Variants in PLEKHA7 observed in about 807,000 individuals in gnomAD.
PLEKHA7 encodes the protein pleckstrin homology domain-containing family A member 7.
A neutral mutation model predicts 170.0 loss-of-function variants in PLEKHA7; 104 were observed. The ratio of observed to expected loss-of-function variants is 0.61; its 90% CI spans 0.52 to 0.72. The LOEUF (loss-of-function observed/expected upper bound fraction) is 0.72, where lower values mean the gene tolerates loss of function less well. PLEKHA7 is among the 30% of genes least tolerant of loss of function. PLEKHA7 has a pLI of 0.00. For missense variants in PLEKHA7, 1,615 were observed against 1,671.7 expected (o/e 0.97, Z 0.59); for synonymous variants, 648 against 660.8 (o/e 0.98, Z 0.30).
chr11:17,008,226 G>A lies in PLEKHA7; in HGVS notation c.221+5763C>T, dbSNP rs994455109. Among the ~76,000 whole-genome samples, 5 of 152,300 alleles carry A rather than the reference G, an allele frequency of 3.3e-5. No individual in the cohort carries two copies. The South Asian group carries it at 1.0e-3, about 32-fold the overall frequency. ...AACTGAGAAACCTGAAGCTAGAAAG[G>A]GTCTTGTGCAATCAGCTGGTTCCTG... On this transcript the variant is annotated intron_variant, in intron 3 of 26. Coordinates refer to ENST00000531066, the MANE Select transcript of PLEKHA7 (RefSeq NM_001329630.2).
chr11:16,913,384 A>C (rs949175515), intron 3 of PLEKHA7, among the ~76,000 whole-genome samples: 12 of 152,172 alleles, frequency 7.9e-5, no homozygotes, highest in African/African-American at 1.7e-4. Context: ...TAGGATTCAG[A>C]AACCCTACCT....
rs549551969 is a variant in PLEKHA7, at chr11:16,939,226, G to A, written c.222-68044C>T. Among the ~76,000 whole-genome samples, 6 of 152,136 alleles carry A rather than the reference G, an allele frequency of 3.9e-5. No individual in the cohort carries two copies. In the East Asian group the frequency reaches 7.8e-4, roughly 20 times the overall value. Reference sequence around the variant, plus strand: ...CCAAGAGTTCAGGACTAGGCTGGCCGACATGGTGAAACCCTGTCTCCACTA... The same window carrying A: ...CCAAGAGTTCAGGACTAGGCTGGCCAACATGGTGAAACCCTGTCTCCACTA... On this transcript the variant is annotated intron_variant, in intron 3 of 26. Coordinates refer to ENST00000531066, the MANE Select transcript of PLEKHA7 (RefSeq NM_001329630.2).
At chr11:16,905,735 C>G (rs1397488415) in intron 3 of PLEKHA7, among the ~76,000 whole-genome samples, 1 of 152,210 alleles carries the variant, frequency 6.6e-6, no homozygotes, top group Non-Finnish European at 1.5e-5. Flanking sequence ...AGCTCCCACT[C>G]CACCATCCCC....
At chr11:16,999,867 T>C (rs981231618) in intron 3 of PLEKHA7, among the ~76,000 whole-genome samples, 15 of 152,172 alleles carry the variant, frequency 9.9e-5, no homozygotes, top group Non-Finnish European at 1.0e-4. Context: ...TGATAAATGC[T>C]GACTCCCAGC....
intron 13 of PLEKHA7, among the ~76,000 whole-genome samples, chr11:16,810,630 G>C (rs886506838): frequency 6.6e-6 from 1 of 152,220 alleles, no homozygotes; most frequent in Non-Finnish European, 1.5e-5. Flanking sequence ...CTTCCAGAAA[G>C]TCCAATAACT....
chr11:16,851,471 C>A (rs986651151), intron 7 of PLEKHA7, among the ~76,000 whole-genome samples, 180 bp from the exon 8 acceptor site: 1 of 151,884 alleles, frequency 6.6e-6, no homozygotes, highest in South Asian at 2.1e-4. Flanking sequence ...TTTTTTGAGA[C>A]GGAGTTTCGC....
intron 3 of PLEKHA7, among the ~76,000 whole-genome samples, chr11:16,982,722 T>C (rs554545727): frequency 6.6e-6 from 1 of 151,722 alleles, no homozygotes; most frequent in Admixed American, 6.6e-5. Flanking sequence ...TGGCCCTCCA[T>C]GCTTTAGCTT....
At chr11:16,959,887 G>A (rs2136596931) in intron 3 of PLEKHA7, among the ~76,000 whole-genome samples, 1 of 152,216 alleles carries the variant, frequency 6.6e-6, no homozygotes, top group African/African-American at 2.4e-5. Flanking sequence ...CAGGTACCAG[G>A]AGGCAGGGCC....
chr11:16,819,061 C>T (rs1488732545), intron 10 of PLEKHA7, among the ~76,000 whole-genome samples: 1 of 151,698 alleles, frequency 6.6e-6, no homozygotes, highest in African/African-American at 2.4e-5. Flanking sequence ...CCTCGGCCTC[C>T]CAAAGTGTTG....
chr11:16,925,518 A>G (rs919028728), intron 3 of PLEKHA7, among the ~76,000 whole-genome samples: 7 of 152,072 alleles, frequency 4.6e-5, no homozygotes, highest in Non-Finnish European at 8.8e-5. Flanking sequence ...TACAGCGCGC[A>G]CACACACCTG....
chr11:16,854,312 G>A (rs1207507828), intron 6 of PLEKHA7, among the ~76,000 whole-genome samples: 1 of 152,218 alleles, frequency 6.6e-6, no homozygotes, highest in Admixed American at 6.5e-5. Context: ...CTGAATGCAT[G>A]TCGGGGAAGG....
chr11:17,006,626 CA>C (rs59063580), intron 3 of PLEKHA7, among the ~76,000 whole-genome samples: 85 of 122,182 alleles, frequency 7.0e-4, no homozygotes, highest in Middle Eastern at 4.5e-3. Flanking sequence ...GACTCAGTCT[CA>C]AAAAAAAAAA....
At chr11:16,845,295 T>C (rs532860548) in intron 8 of PLEKHA7, among the ~76,000 whole-genome samples, 14 of 152,324 alleles carry the variant, frequency 9.2e-5, no homozygotes, top group African/African-American at 3.1e-4. Flanking sequence ...TTGCAGATCA[T>C]ATAGGGTTTT....
intron 3 of PLEKHA7, among the ~76,000 whole-genome samples, chr11:16,871,798 C>T (rs41515852): frequency 0.073 from 11,124 of 152,142 alleles, 602 homozygotes; most frequent in Middle Eastern, 0.16. Context: ...CTGACAGACA[C>T]AAAGTGTGTA....
intron 9 of PLEKHA7, among the ~76,000 whole-genome samples, chr11:16,834,443 G>A (rs1424652674): frequency 1.3e-5 from 2 of 152,304 alleles, no homozygotes; most frequent in East Asian, 1.9e-4. Context: ...GGTGTTTGTA[G>A]GGACCAGGCC....
In PLEKHA7 at chr11:16,958,997, C is replaced by T. The variant is rs74676769; in HGVS notation, c.221+54992G>A. On this transcript the variant is annotated intron_variant, in intron 3 of 26. Transcript: ENST00000531066. ...TAAGCCAGGAAGCTCCTTTTGTTTA[C>T]ACTTGCTGGCTGGCCACCTGCCATT... 4.4e-4 allele frequency among the ~76,000 whole-genome samples: 67 copies of T among 152,282 alleles called. No homozygotes were observed. In the East Asian group the frequency reaches 0.011, roughly 25 times the overall value.
chr11:16,808,451 A>T (rs545177572), intron 13 of PLEKHA7, among the ~76,000 whole-genome samples: 9 of 152,268 alleles, frequency 5.9e-5, no homozygotes, highest in South Asian at 4.1e-4. Context: ...CTGTGCTTTT[A>T]TCAAGCTCCC....
intron 9 of PLEKHA7, among the ~76,000 whole-genome samples, chr11:16,829,393 A>G (rs1324977879): frequency 6.6e-6 from 1 of 152,166 alleles, no homozygotes; most frequent in Non-Finnish European, 1.5e-5. Context: ...TAATCATTTC[A>G]CAATGACATA....
chr11:16,780,600 C>G (rs1247616858), intron 26 of PLEKHA7, among the ~76,000 whole-genome samples: 1 of 152,190 alleles, frequency 6.6e-6, no homozygotes, highest in East Asian at 1.9e-4. Flanking sequence ...TCCAGCCCCC[C>G]AAGGCTGGCA....
Sources: allele counts gnomAD v4.1 joint callset (sites outside exome capture counted in the v4.1 genomes callset), GRCh38; gene constraint gnomAD v4.1.1; transcripts MANE v1.5; gene names NCBI Gene and HGNC (gene_info 2026-07-23, HGNC 2026-07-21).